Variants in PAX8 observed in about 807,000 individuals in gnomAD.
PAX8 encodes the protein paired box protein Pax-8.
A neutral mutation model predicts 52.4 loss-of-function variants in PAX8; 15 were observed. The observed-to-expected ratio is 0.29, with a 90% CI of 0.19 to 0.44. The LOEUF (loss-of-function observed/expected upper bound fraction) is 0.44, where lower values mean the gene tolerates loss of function less well. Among genes scored for constraint, PAX8 ranks in the 20% least tolerant of loss-of-function variants. The pLI, the probability that PAX8 is intolerant of heterozygous loss-of-function variation, is 1.00. For missense variants in PAX8, 554 were observed against 602.5 expected (o/e 0.92, Z 0.84); for synonymous variants, 284 against 249.7 (o/e 1.14, Z -1.29).
intron 2 of PAX8, chr2:113,265,705 C>T (rs543381606): frequency 2.0e-5 from 3 of 152,346 alleles, no homozygotes; most frequent in Admixed American, 6.5e-5. Context: ...TCTAGAATGT[C>T]AGCACGAAGG....
chr2:113,274,306 C>T (rs922565843), intron 2 of PAX8: 1 of 151,074 alleles, frequency 6.6e-6, no homozygotes, highest in Non-Finnish European at 1.5e-5. Context: ...AAATTCTCCT[C>T]TTTTTTTTTA....
chr2:113,232,267 T>C (rs1222779559), intron 9 of PAX8, among the ~76,000 whole-genome samples: 2 of 152,168 alleles, frequency 1.3e-5, no homozygotes, highest in Non-Finnish European at 2.9e-5. Flanking sequence ...AGCCATCCCC[T>C]CCCTTGTGCC....
intron 2 of PAX8, among the ~76,000 whole-genome samples, chr2:113,258,013 T>C (rs1692382451): frequency 6.6e-6 from 1 of 152,192 alleles, no homozygotes; most frequent in Non-Finnish European, 1.5e-5. Flanking sequence ...GTGAATGCTC[T>C]GCACTGCTTA....
rs578257302 is a variant in PAX8, at chr2:113,278,534, C to G, written c.-75-65G>C. ...TTCGATGCCTGCATCCTCAGGCCCCCTCCCCAGGCCTCATCCTTTACACCT... is the reference window on the plus strand; with the variant it reads ...TTCGATGCCTGCATCCTCAGGCCCCGTCCCCAGGCCTCATCCTTTACACCT... On this transcript the variant is annotated intron_variant, in intron 1 of 11. Coordinates refer to ENST00000429538, the MANE Select transcript of PAX8 (RefSeq NM_003466.4). 7.0e-5 allele frequency: 92 copies of G among 1,313,478 alleles called. No homozygotes were observed. The South Asian group carries it at 1.2e-3, about 17-fold the overall frequency. The allele number at this position is 1,313,478 out of a possible 1,614,324, so 81.4% of individuals were successfully genotyped here.
intron 8 of PAX8, 131 bp downstream of exon 8, chr2:113,236,470 C>A: frequency 9.4e-7 from 1 of 1,062,312 alleles, no homozygotes; most frequent in East Asian, 2.6e-5. Flanking sequence ...ACCCCTGGGC[C>A]CACCTGGCGG....
intron 9 of PAX8, 155 bp downstream of exon 9, chr2:113,235,239 C>G: frequency 3.1e-6 from 2 of 643,042 alleles, no homozygotes; most frequent in African/African-American, 1.8e-5. Context: ...TCACAGAGAA[C>G]TTCATGTTGG....
At chr2:113,243,312 G>A (rs1260661941) in intron 4 of PAX8, among the ~76,000 whole-genome samples, 1 of 152,214 alleles carries the variant, frequency 6.6e-6, no homozygotes, top group African/African-American at 2.4e-5. Context: ...CCCAGCCTCT[G>A]AAAGGTCACC....
At chr2:113,277,043 G>C (rs1693865298) in intron 2 of PAX8, among the ~76,000 whole-genome samples, 1 of 152,208 alleles carries the variant, frequency 6.6e-6, no homozygotes, top group Non-Finnish European at 1.5e-5. Context: ...GACGCGGACC[G>C]TAAAGAGGTG....
intron 8 of PAX8, chr2:113,236,157 G>T (rs112057945): frequency 8.7e-4 from 74 of 84,764 alleles, no homozygotes; most frequent in Non-Finnish European, 9.8e-4. Flanking sequence ...CGCGACCCCT[G>T]GGCCCACCTT....
chr2:113,222,744 C>T lies in PAX8; in HGVS notation c.1190-2566G>A, dbSNP rs146054465. Among the ~76,000 whole-genome samples the T allele has an allele frequency of 2.5e-3, 373 of 152,238 alleles. 1 individual carries two copies. The highest frequency in any genetic ancestry group is 8.7e-3 in the African/African-American group (361 of 41,548). On this transcript the variant is annotated intron_variant, in intron 10 of 11. Coordinates refer to ENST00000429538, the MANE Select transcript of PAX8 (RefSeq NM_003466.4). ...TCTAGCTACCAGTGCCTTTCTCTGC[C>T]CCATGGTCTCTGCCTTCACCTTCTT...
At chr2:113,266,446 G>C (rs1417549708) in intron 2 of PAX8, 1 of 152,280 alleles carries the variant, frequency 6.6e-6, no homozygotes, top group Non-Finnish European at 1.5e-5. Flanking sequence ...GTCAAGGTGA[G>C]AGGAGGTGCC....
Position 113,277,404 on chromosome 2 carries a change from T to A in PAX8, c.25+966A>T, listed in dbSNP as rs191153563. On this transcript the variant is annotated intron_variant, in intron 2 of 11. Transcript: ENST00000429538. ...GCGCCCGATCCGACCCTCCTTATTA[T>A]AACAAATGTCCCGTTTGCAGAGCGG... Among the ~76,000 whole-genome samples the A allele has an allele frequency of 3.2e-3, 494 of 152,176 alleles. 2 individuals carry two copies. Among genetic ancestry groups the A allele is most frequent in the South Asian group, 0.014 (69 of 4,820 alleles).
intron 2 of PAX8, among the ~76,000 whole-genome samples, chr2:113,254,639 A>G (rs961301779): frequency 2.0e-5 from 3 of 152,200 alleles, no homozygotes; most frequent in Non-Finnish European, 4.4e-5. Context: ...TCTTCATGGC[A>G]AAGTCCAAGC....
chr2:113,253,518 C>T (rs79313223), intron 2 of PAX8, among the ~76,000 whole-genome samples: 1,560 of 152,338 alleles, frequency 0.01, 23 homozygotes, highest in African/African-American at 0.035. Flanking sequence ...CTCTCTGCAC[C>T]GCACTGTCAT....
chr2:113,249,602 C>G (rs942415992), intron 2 of PAX8, among the ~76,000 whole-genome samples: 7 of 151,858 alleles, frequency 4.6e-5, no homozygotes, highest in African/African-American at 1.7e-4. Context: ...AAAAAGAAAA[C>G]GACGCTGTAA....
intron 2 of PAX8, among the ~76,000 whole-genome samples, chr2:113,262,863 T>C (rs1692788032): frequency 6.6e-6 from 1 of 152,186 alleles, no homozygotes; most frequent in Non-Finnish European, 1.5e-5. Flanking sequence ...TCTGACCCCT[T>C]GATTTGACAC....
chr2:113,266,284 A>G (rs1367231733), intron 2 of PAX8: 3 of 152,240 alleles, frequency 2.0e-5, no homozygotes, highest in South Asian at 2.1e-4. Context: ...CAAGGAAGGC[A>G]TCATGTTCTG....
intron 5 of PAX8, 116 bp from the exon 6 acceptor site, chr2:113,242,246 AG>A: frequency 1.4e-6 from 1 of 705,606 alleles, no homozygotes; most frequent in Admixed American, 2.3e-5. Context: ...GGAGAGGGAG[AG>A]GAGCAAGGGG....
Position 113,241,697 on chromosome 2 carries a change from C to T in PAX8, c.631G>A (p.Asp211Asn), listed in dbSNP as rs1690855878. ...SDQDSCRLSI[D>N]SQSSSSGPRK... ...GGTCCGCTGCTGCTGCTCTGTGAGTCAATGCTTAGTCGGCAGCTATCCTGA... is the reference window on the plus strand; with the variant it reads ...GGTCCGCTGCTGCTGCTCTGTGAGTTAATGCTTAGTCGGCAGCTATCCTGA... The change falls in exon 7 of 12, where the codon GAC becomes AAC. Residue 211 changes from aspartate to asparagine, a missense_variant. Around this residue, in one of 2 missense-constraint regions of PAX8, gnomAD observed 445 missense variants for 409.9 expected, o/e 1.09. Coordinates refer to ENST00000429538, the MANE Select transcript of PAX8 (RefSeq NM_003466.4). The T allele has an allele frequency of 6.2e-7, 1 of 1,614,158 alleles. No homozygotes were observed. The highest frequency in any genetic ancestry group is 1.7e-4 in the Middle Eastern group (1 of 6,038).
Sources: gnomAD v4.1 joint callset for allele counts (sites outside exome capture counted in the v4.1 genomes callset) on GRCh38, gnomAD v4.1.1 for gene constraint, gnomAD v4.1.1 regional missense constraint, MANE v1.5 for transcripts, NCBI Gene and HGNC (gene_info 2026-07-23, HGNC 2026-07-21) for gene names.